The following ZSWIM6 variants were observed in gnomAD, a reference collection of about 807,000 sequenced individuals.
ZSWIM6 encodes the protein zinc finger SWIM-type containing 6, also known as zinc finger SWIM domain-containing protein 6.
In ZSWIM6, 9 loss-of-function variants were observed where a neutral mutation model predicts 113.2. That is an observed-to-expected ratio of 0.08 (90% CI 0.05 to 0.14). ZSWIM6 has a LOEUF of 0.14. Ranked by LOEUF, ZSWIM6 falls within the 10% of genes least tolerant of loss-of-function variation. ZSWIM6 has a pLI of 1.00. For synonymous variants in ZSWIM6, 611 were observed against 606.5 expected, an observed-to-expected ratio of 1.01 and a Z score of -0.11; for missense variants, 1,162 against 1,552.2, an observed-to-expected ratio of 0.75 and a Z score of 4.22.
intron 1 of ZSWIM6, among the ~76,000 whole-genome samples, chr5:61,409,447 T>A (rs986374084): frequency 2.0e-5 from 3 of 152,282 alleles, no homozygotes; most frequent in East Asian, 3.9e-4. Flanking sequence ...ATTAATTATA[T>A]CTCTATTAAG....
rs149262078 is a variant in ZSWIM6 at position 61,418,924 on chromosome 5, C to T, written c.677-53757C>T. 0.015 allele frequency among the ~76,000 whole-genome samples: 2,314 copies of T among 152,148 alleles called. 141 individuals are homozygous for T. In the East Asian group the frequency reaches 0.21, roughly 14 times the overall value. Reference sequence around the variant, plus strand: ...GCAACCTCCACCTCCCAGGTTCAAGCGATTCTCCTGCCTCAGCCTCCTGAG... The same window carrying T: ...GCAACCTCCACCTCCCAGGTTCAAGTGATTCTCCTGCCTCAGCCTCCTGAG... On this transcript the variant is annotated intron_variant, in intron 1 of 13. Coordinates refer to ENST00000252744, the MANE Select transcript of ZSWIM6 (RefSeq NM_020928.2).
chr5:61,473,484 G>A (rs1236561800), intron 2 of ZSWIM6, among the ~76,000 whole-genome samples: 6 of 152,170 alleles, frequency 3.9e-5, no homozygotes, highest in Admixed American at 3.9e-4. Context: ...AGCTTGTTTA[G>A]AGAGAATTTA....
Position 61,541,900 on chromosome 5 carries a change from T to A in ZSWIM6, c.2720T>A (p.Leu907Gln), listed in dbSNP as rs1463615795. 1 of 1,549,154 alleles carries A rather than the reference T, an allele frequency of 6.5e-7. No individual in the cohort carries two copies. The change falls in exon 13 of 14, where the codon CTG becomes CAG. Residue 907 changes from leucine (L) to glutamine (Q), a missense_variant. Physicochemically the swap from Leu to Gln is moderately radical, Grantham distance 113. This residue lies in a region of ZSWIM6 where 620 missense variants were observed against 804.6 expected (regional missense o/e 0.77). Coordinates refer to ENST00000252744, the MANE Select transcript of ZSWIM6 (RefSeq NM_020928.2). ...TTTTTATAGGTTATGCGAATGACAC[T>A]GTCAACCTTAAATTGGCGACGGCGG... ...ELGLQVMRMT[L>Q]STLNWRRREM... is the part of the protein sequence containing the mutation.
At chr5:61,457,887 GTATGT>G (rs1747237712) in intron 1 of ZSWIM6, among the ~76,000 whole-genome samples, 1 of 152,046 alleles carries the variant, frequency 6.6e-6, no homozygotes, top group Non-Finnish European at 1.5e-5. Context: ...CATTTAATCT[GTATGT>G]TATTTTAGTT....
In ZSWIM6 at chr5:61,544,429, T is replaced by G; in HGVS notation, c.*112T>G. On this transcript the variant is annotated 3_prime_UTR_variant, in exon 14 of 14. Transcript: ENST00000252744. Reference sequence around the variant, plus strand: ...AAAGAACAGAGCCACACCGGTATTATATGTGTATAGTTATATTGCGTTTGC... The same window carrying G: ...AAAGAACAGAGCCACACCGGTATTAGATGTGTATAGTTATATTGCGTTTGC... 8 of 648,678 alleles carry G rather than the reference T, an allele frequency of 1.2e-5. No homozygotes were observed. The highest frequency in any genetic ancestry group is 2.1e-5 in the Non-Finnish European group (8 of 381,268). The allele number at this position is 648,678 out of a possible 1,614,324, so 40.2% of individuals were successfully genotyped here.
At chr5:61,413,270 G>A (rs922131443) in intron 1 of ZSWIM6, among the ~76,000 whole-genome samples, 16 of 149,268 alleles carry the variant, frequency 1.1e-4, no homozygotes, top group Non-Finnish European at 2.2e-4. Flanking sequence ...AGAACATGCG[G>A]TGTTTGGTTT....
At chr5:61,468,053 C>A (rs966042414) in intron 1 of ZSWIM6, among the ~76,000 whole-genome samples, 1 of 152,206 alleles carries the variant, frequency 6.6e-6, no homozygotes, top group Non-Finnish European at 1.5e-5. Context: ...AGCACTTTTA[C>A]TATGTGCCAG....
chr5:61,502,674 T>G (rs1748505388), intron 4 of ZSWIM6, among the ~76,000 whole-genome samples: 1 of 152,192 alleles, frequency 6.6e-6, no homozygotes, highest in Non-Finnish European at 1.5e-5. Flanking sequence ...CGTGGCCTGT[T>G]AGGAACTGAG....
At chr5:61,442,478 C>T (rs1746861443) in intron 1 of ZSWIM6, among the ~76,000 whole-genome samples, 1 of 152,188 alleles carries the variant, frequency 6.6e-6, no homozygotes, top group African/African-American at 2.4e-5. Context: ...TAGTTTTCTT[C>T]TGAAGCACAA....
chr5:61,418,148 A>T (rs1746291332), intron 1 of ZSWIM6, among the ~76,000 whole-genome samples: 2 of 152,204 alleles, frequency 1.3e-5, no homozygotes, highest in Admixed American at 1.3e-4. Flanking sequence ...TGCTAAAGGA[A>T]TGGGGAATGA....
chr5:61,527,550 C>G (rs960722468), intron 7 of ZSWIM6, among the ~76,000 whole-genome samples: 4 of 152,186 alleles, frequency 2.6e-5, no homozygotes, highest in Non-Finnish European at 5.9e-5. Context: ...ATTGTCGTGA[C>G]TTTGTCCAGT....
intron 2 of ZSWIM6, among the ~76,000 whole-genome samples, chr5:61,474,331 C>T (rs561526025): frequency 6.6e-6 from 1 of 152,256 alleles, no homozygotes; most frequent in African/African-American, 2.4e-5. Context: ...ATTTATTCAT[C>T]TGGAGAAGCA....
chr5:61,336,417 G>A (rs1744397475), intron 1 of ZSWIM6, among the ~76,000 whole-genome samples: 1 of 152,074 alleles, frequency 6.6e-6, no homozygotes, highest in Non-Finnish European at 1.5e-5. Context: ...AGCTTCCCTG[G>A]TATGACCTGA....
At chr5:61,344,602 T>G (rs1744617091) in intron 1 of ZSWIM6, among the ~76,000 whole-genome samples, 1 of 152,196 alleles carries the variant, frequency 6.6e-6, no homozygotes, top group African/African-American at 2.4e-5. Flanking sequence ...AAGAGATAAG[T>G]AATACCTACT....
At chr5:61,483,204 A>G (rs990719297) in intron 2 of ZSWIM6, among the ~76,000 whole-genome samples, 3 of 152,200 alleles carry the variant, frequency 2.0e-5, no homozygotes, top group South Asian at 2.1e-4. Flanking sequence ...GGAGCTGAGC[A>G]TGCTAACACG....
At chr5:61,389,901 G>T (rs1745668907) in intron 1 of ZSWIM6, among the ~76,000 whole-genome samples, 1 of 152,126 alleles carries the variant, frequency 6.6e-6, no homozygotes, top group Admixed American at 6.5e-5. Flanking sequence ...TTTTTGATCT[G>T]GGAATAAAAA....
Position 61,525,957 on chromosome 5 carries a change from C to A in ZSWIM6, c.1671C>A (p.Arg557=), listed in dbSNP as rs374446583. 15 of 1,552,020 alleles carry A rather than the reference C, an allele frequency of 9.7e-6. No individual in the cohort carries two copies. The highest frequency in any genetic ancestry group is 3.9e-5 in the Admixed American group (2 of 50,992). ...DDTENSLFDS[R]GWPLWHEHVP... ...CTGAAAACTCCCTCTTCGACTCCCG[C>A]GGGTGGCCCCTCTGGCATGGTAAGT... Residue 557 remains arginine, a synonymous_variant, in exon 6 of 14, where the codon CGC becomes CGA. Coordinates refer to ENST00000252744, the MANE Select transcript of ZSWIM6 (RefSeq NM_020928.2).
intron 1 of ZSWIM6, chr5:61,391,923 T>C (rs1745725861): frequency 1.8e-6 from 1 of 554,938 alleles, no homozygotes; most frequent in Admixed American, 3.4e-5. Context: ...TCAAAACTTT[T>C]TGAGCCAGGG....
intron 2 of ZSWIM6, 100 bp downstream of exon 2, chr5:61,473,137 C>G: frequency 1.3e-6 from 1 of 743,038 alleles, no homozygotes. Context: ...TGAAATAGAT[C>G]ATCAGCATTG....
Sources: gnomAD v4.1 joint callset for allele counts (sites outside exome capture counted in the v4.1 genomes callset) on GRCh38, gnomAD v4.1.1 for gene constraint, gnomAD v4.1.1 regional missense constraint, MANE v1.5 for transcripts, NCBI Gene and HGNC (gene_info 2026-07-23, HGNC 2026-07-21) for gene names.